The following ZNF578 variants were observed in gnomAD, a reference collection of about 807,000 sequenced individuals.
ZNF578 encodes the protein Putative chemokine-related protein B42.
In ZNF578, 8 loss-of-function variants were observed where a neutral mutation model predicts 8.3. That is an observed-to-expected ratio of 0.96 (90% CI 0.56 to 1.74). ZNF578 has a LOEUF of 1.74. ZNF578 is among the 40% of genes most tolerant of loss of function. The pLI, the probability that ZNF578 is intolerant of heterozygous loss-of-function variation, is 0.00. For missense variants in ZNF578, 726 were observed against 707.5 expected (o/e 1.03, Z -0.30); for synonymous variants, 206 against 232.2 (o/e 0.89, Z 1.03).
chr19:52,460,875 A>C (rs545951084), intron 2 of ZNF578, among the ~76,000 whole-genome samples: 1 of 152,062 alleles, frequency 6.6e-6, no homozygotes, highest in East Asian at 1.9e-4. Flanking sequence ...TTTGTTGGGG[A>C]CCAGCCTCAA....
intron 1 of ZNF578, chr19:52,454,035 C>T (rs1297516231): frequency 6.6e-6 from 1 of 152,274 alleles, no homozygotes; most frequent in Non-Finnish European, 1.5e-5. Context: ...TAATCCACCC[C>T]CAACCTTGTC....
Position 52,511,796 on chromosome 19 carries a change from G to A in ZNF578, c.1415G>A (p.Arg472Lys), listed in dbSNP as rs752277013. ...RVFSQKSNLE[R>K]HKIIHTGEKP... The stretch of plus-strand genomic sequence containing the variant: ...TTCAGTCAGAAATCAAACCTTGAGA[G>A]ACACAAGATAATTCATACTGGAGAG... The change falls in exon 6 of 6, where the codon AGA becomes AAA. Residue 472 changes from arginine to lysine, a missense_variant. By Grantham distance (26) the Arg-to-Lys change is conservative. Coordinates refer to ENST00000421239, the MANE Select transcript of ZNF578 (RefSeq NM_001099694.2). 3 of 1,613,356 alleles carry A rather than the reference G, an allele frequency of 1.9e-6. No homozygotes were observed. The Admixed American group carries it at 5.0e-5, about 27-fold the overall frequency.
intron 2 of ZNF578, among the ~76,000 whole-genome samples, chr19:52,485,927 A>G (rs1422461679): frequency 6.6e-6 from 1 of 152,056 alleles, no homozygotes; most frequent in Non-Finnish European, 1.5e-5. Context: ...GAAGGGAAAG[A>G]CCCGACCATC....
chr19:52,457,758 G>C (rs1599879156), intron 2 of ZNF578: 1 of 152,792 alleles, frequency 6.5e-6, no homozygotes. Flanking sequence ...TGGTGTGAGA[G>C]TAGAGGAAAA....
intron 4 of ZNF578, 104 bp from the exon 5 acceptor site, chr19:52,504,551 C>T: frequency 6.3e-7 from 1 of 1,575,426 alleles, no homozygotes; most frequent in Non-Finnish European, 8.6e-7. Context: ...TGTCACAACA[C>T]AGTCTTTGAT....
At chr19:52,454,253 G>A (rs2059232330) in intron 1 of ZNF578, 1 of 152,184 alleles carries the variant, frequency 6.6e-6, no homozygotes, top group African/African-American at 2.4e-5. Flanking sequence ...AGTAAACACT[G>A]AACCCAGAAT....
chr19:52,511,036 A>C lies in ZNF578; in HGVS notation c.655A>C (p.Thr219Pro), dbSNP rs2059443289. 4.3e-6 allele frequency: 7 copies of C among 1,614,198 alleles called. No individual in the cohort carries two copies. Among genetic ancestry groups the C allele is most frequent in the African/African-American group, 2.7e-5 (2 of 75,054 alleles). ...GNNFFHSSLL[T>P]QKQEVHMREK... ...TAATTTTTTCCATTCATCATTACTC[A>C]CACAAAAACAGGAAGTACACATGAG... The change falls in exon 6 of 6, where the codon ACA becomes CCA. Residue 219 changes from threonine (T) to proline (P), a missense_variant. Coordinates refer to ENST00000421239, the MANE Select transcript of ZNF578 (RefSeq NM_001099694.2).
intron 3 of ZNF578, among the ~76,000 whole-genome samples, chr19:52,499,007 A>T (rs2059397270): frequency 6.6e-6 from 1 of 152,100 alleles, no homozygotes; most frequent in African/African-American, 2.4e-5. Context: ...CTAGAGGAGG[A>T]AGACCAAGGC....
chr19:52,488,545 C>A (rs1200074794), intron 2 of ZNF578, among the ~76,000 whole-genome samples: 5 of 150,344 alleles, frequency 3.3e-5, no homozygotes, highest in Non-Finnish European at 5.9e-5. Context: ...GTAGGCGGAG[C>A]TTGCAGTGAG....
At chr19:52,506,056 A>G (rs1427920827) in intron 5 of ZNF578, among the ~76,000 whole-genome samples, 1 of 151,872 alleles carries the variant, frequency 6.6e-6, no homozygotes, top group Non-Finnish European at 1.5e-5. Context: ...TGTCACCACA[A>G]CCTAGTAATT....
intron 2 of ZNF578, among the ~76,000 whole-genome samples, chr19:52,463,275 G>C (rs1274522264): frequency 2.6e-5 from 4 of 152,188 alleles, no homozygotes; most frequent in African/African-American, 9.7e-5. Flanking sequence ...ATGTGCTGCA[G>C]TCTCACCAGT....
chr19:52,491,723 TAAAAG>T (rs2059365605), intron 3 of ZNF578, among the ~76,000 whole-genome samples: 1 of 150,944 alleles, frequency 6.6e-6, no homozygotes, highest in Non-Finnish European at 1.5e-5. Flanking sequence ...AAAAATAAAA[TAAAAG>T]AAAAAAGTAA....
In ZNF578 at chr19:52,515,222, C is replaced by T. The variant is rs1272193276; in HGVS notation, c.*3068C>T. Among the ~76,000 whole-genome samples, 7 of 152,064 alleles carry T rather than the reference C, an allele frequency of 4.6e-5. No homozygotes were observed. Among genetic ancestry groups the T allele is most frequent in the Non-Finnish European group, 1.0e-4 (7 of 68,000 alleles). On this transcript the variant is annotated 3_prime_UTR_variant, in exon 6 of 6. Coordinates refer to ENST00000421239, the MANE Select transcript of ZNF578 (RefSeq NM_001099694.2). ...CAGGTGATCTGCCCACCTCGACCTC[C>T]CAAAATGCTAGGATTACAAGCGTGA...
At position 52,491,678 on chromosome 19, in the gene ZNF578, G is replaced by A. The variant is rs145085775; in HGVS notation, c.-20+253G>A. Reference sequence around the variant, plus strand: ...TGCAGTGAGCCACGATCTCGCAACTGCACCCCAGCATGGGCCACAGAGAAA... The same window carrying A: ...TGCAGTGAGCCACGATCTCGCAACTACACCCCAGCATGGGCCACAGAGAAA... On this transcript the variant is annotated intron_variant, in intron 3 of 5. Transcript: ENST00000421239. Among the ~76,000 whole-genome samples, 478 of 151,760 alleles carry A rather than the reference G, an allele frequency of 3.1e-3. 2 individuals carry two copies. Among genetic ancestry groups the A allele is most frequent in the African/African-American group, 0.011 (457 of 41,336 alleles).
chr19:52,493,157 C>T (rs2059372477), intron 3 of ZNF578, among the ~76,000 whole-genome samples: 1 of 152,174 alleles, frequency 6.6e-6, no homozygotes, highest in Non-Finnish European at 1.5e-5. Flanking sequence ...TCTTAAAGTC[C>T]TCACCCGCGA....
chr19:52,473,875 G>A (rs533025544), intron 2 of ZNF578: 6 of 339,378 alleles, frequency 1.8e-5, no homozygotes, highest in Non-Finnish European at 3.4e-5. Context: ...AGCTACTATA[G>A]ACCTTGCCAC....
intron 2 of ZNF578, among the ~76,000 whole-genome samples, chr19:52,466,335 A>G (rs551336668): frequency 6.6e-6 from 1 of 152,302 alleles, no homozygotes; most frequent in East Asian, 1.9e-4. Flanking sequence ...CTCCTTGAAC[A>G]CAATGTTTAC....
chr19:52,507,084 A>T (rs1568466732), intron 5 of ZNF578, among the ~76,000 whole-genome samples: 1 of 152,102 alleles, frequency 6.6e-6, no homozygotes, highest in Admixed American at 6.6e-5. Context: ...GAAACCTTGA[A>T]TCTACTAAAT....
In ZNF578 at chr19:52,469,170, T is replaced by TTTG. The variant is rs766562953; in HGVS notation, c.-122+12214_-122+12215insGTT. ...GTACCTGGAGTGGTTTTTTTTTGTT[T>TTTG]TTTTTTTTTTGACAGGGTCTCACTC... On this transcript the variant is annotated intron_variant, in intron 2 of 5. Coordinates refer to ENST00000421239, the MANE Select transcript of ZNF578 (RefSeq NM_001099694.2). Among the ~76,000 whole-genome samples, 174 of 149,014 alleles carry TTTG rather than the reference T, an allele frequency of 1.2e-3. 2 individuals carry two copies. Among genetic ancestry groups the TTTG allele is most frequent in the Non-Finnish European group, 1.8e-3 (120 of 66,970 alleles).
Sources: allele counts gnomAD v4.1 joint callset (sites outside exome capture counted in the v4.1 genomes callset), GRCh38; gene constraint gnomAD v4.1.1; transcripts MANE v1.5; gene names NCBI Gene and HGNC (gene_info 2026-07-23, HGNC 2026-07-21).